Variants in GABRB2 observed in about 807,000 individuals in gnomAD.
GABRB2 encodes gamma-aminobutyric acid type A receptor subunit beta2, also known as gamma-aminobutyric acid receptor subunit beta-2.
GABRB2 carries 16 observed loss-of-function variants against 54.7 expected under a neutral mutation model. That is an observed-to-expected ratio of 0.29 (90% CI 0.20 to 0.44). The LOEUF (loss-of-function observed/expected upper bound fraction) is 0.44. GABRB2 is among the 20% of genes least tolerant of loss of function. The pLI is 1.00. For synonymous variants in GABRB2, 244 were observed against 233.8 expected (o/e 1.04, Z -0.40); for missense variants, 355 against 644.0 (o/e 0.55, Z 4.86).
chr5:161,500,810 C>A (rs1488940680), intron 3 of GABRB2, among the ~76,000 whole-genome samples: 1 of 152,124 alleles, frequency 6.6e-6, no homozygotes, highest in Admixed American at 6.6e-5. Flanking sequence ...AAATTGTTAA[C>A]TTAATCAAAT....
chr5:161,330,935 G>A lies in GABRB2; in HGVS notation c.1025C>T (p.Ala342Val). The A allele has an allele frequency of 6.2e-7, 1 of 1,614,194 alleles. No individual in the cohort carries two copies. The highest frequency in any genetic ancestry group is 8.5e-7 in the Non-Finnish European group (1 of 1,180,038). ...ATTGTTGGCACTGGCAGCCTTCTCAGCTGCTTTCTTTTGGCGTTGGGGCCC... is the reference window on the plus strand; with the variant it reads ...ATTGTTGGCACTGGCAGCCTTCTCAACTGCTTTCTTTTGGCGTTGGGGCCC... ...GRGPQRQKKAAEKAASANNEK... is the reference protein window; with the variant it reads ...GRGPQRQKKAVEKAASANNEK... Residue 342 changes from alanine to valine, a missense_variant, in exon 8 of 10, where the codon GCT (alanine) becomes GTT (valine). Ala to Val is a moderately conservative substitution (Grantham distance 64). Transcript: ENST00000393959.
intron 5 of GABRB2, among the ~76,000 whole-genome samples, chr5:161,377,660 A>G (rs979242127): frequency 7.2e-5 from 11 of 152,146 alleles, no homozygotes; most frequent in Non-Finnish European, 1.3e-4. Flanking sequence ...ACTGGAAAGC[A>G]ATTTACAAAA....
intron 9 of GABRB2, among the ~76,000 whole-genome samples, chr5:161,297,068 G>T (rs1346002750): frequency 1.3e-5 from 2 of 152,132 alleles, no homozygotes; most frequent in Non-Finnish European, 2.9e-5. Context: ...AGAAAATTAA[G>T]TATGTTGCCC....
At chr5:161,479,626 C>T (rs1758698533) in intron 3 of GABRB2, among the ~76,000 whole-genome samples, 1 of 144,304 alleles carries the variant, frequency 6.9e-6, no homozygotes, top group Non-Finnish European at 1.5e-5. Flanking sequence ...CACTCTGTCA[C>T]CCAGGCTGGG....
rs1333374023 is a variant in GABRB2 at position 161,495,021 on chromosome 5, A to T, written c.238-35177T>A. On this transcript the variant is annotated intron_variant, in intron 3 of 9. Transcript: ENST00000393959. ...TGAAATTCTAATTGAATTACAAAAGATTCCTTATTTAAAGTGGTTGCTGTT... is the reference window on the plus strand; with the variant it reads ...TGAAATTCTAATTGAATTACAAAAGTTTCCTTATTTAAAGTGGTTGCTGTT... Among the ~76,000 whole-genome samples, 4 of 152,152 alleles carry T rather than the reference A, an allele frequency of 2.6e-5. No homozygotes were observed. In the East Asian group the frequency reaches 7.7e-4, roughly 29 times the overall value.
chr5:161,546,735 G>A, upstream of GABRB2: 1 of 1,535,272 alleles, frequency 6.5e-7, no homozygotes, highest in Non-Finnish European at 8.8e-7. Flanking sequence ...TGAGGCGCAT[G>A]CGCACGGCGT....
chr5:161,301,422 CTTTT>C (rs908503242), intron 9 of GABRB2, among the ~76,000 whole-genome samples: 12 of 146,538 alleles, frequency 8.2e-5, no homozygotes, highest in African/African-American at 2.7e-4. Context: ...TTCTTTCTTT[CTTTT>C]TTTTTTTCGA....
chr5:161,498,975 C>A (rs190649213), intron 3 of GABRB2, among the ~76,000 whole-genome samples: 1 of 152,172 alleles, frequency 6.6e-6, no homozygotes, highest in South Asian at 2.1e-4. Context: ...TCTACCCCCA[C>A]GTCCTCACGT....
chr5:161,480,449 C>T (rs142201276), intron 3 of GABRB2, among the ~76,000 whole-genome samples: 2,198 of 151,986 alleles, frequency 0.014, 33 homozygotes, highest in Non-Finnish European at 0.024. Flanking sequence ...TGTGTGGCTG[C>T]CAACAAGGGG....
intron 4 of GABRB2, among the ~76,000 whole-genome samples, chr5:161,427,543 C>T (rs1757038167): frequency 2.0e-5 from 3 of 152,124 alleles, no homozygotes; most frequent in Admixed American, 2.0e-4. Flanking sequence ...AAAGCAGCCT[C>T]TATCTTTAAT....
intron 5 of GABRB2, among the ~76,000 whole-genome samples, chr5:161,365,427 C>G (rs1754943976): frequency 6.6e-6 from 1 of 152,064 alleles, no homozygotes; most frequent in African/African-American, 2.4e-5. Context: ...ATATACATTT[C>G]AATGTAGTAT....
intron 3 of GABRB2, among the ~76,000 whole-genome samples, chr5:161,489,793 C>T (rs1759046318): frequency 6.6e-6 from 1 of 151,718 alleles, no homozygotes; most frequent in South Asian, 2.1e-4. Flanking sequence ...AAAGTCACTA[C>T]TTACATTAAG....
intron 5 of GABRB2, among the ~76,000 whole-genome samples, chr5:161,399,088 A>G (rs7727812): frequency 0.024 from 3,655 of 152,270 alleles, 145 homozygotes; most frequent in African/African-American, 0.082. Flanking sequence ...AATTCTACAA[A>G]TATAGTGTTT....
At chr5:161,501,376 A>C (rs1344943875) in intron 3 of GABRB2, among the ~76,000 whole-genome samples, 1 of 152,150 alleles carries the variant, frequency 6.6e-6, no homozygotes, top group Non-Finnish European at 1.5e-5. Context: ...ATTACCTTTC[A>C]ACAGAGAGTT....
In GABRB2 at chr5:161,290,499, T is replaced by G. The variant is rs1204984629; in HGVS notation, c.*3582A>C. 2.0e-5 allele frequency: 3 copies of G among 152,530 alleles called. No homozygotes were observed. Among genetic ancestry groups the G allele is most frequent in the African/African-American group, 7.2e-5 (3 of 41,442 alleles). 9.4% of individuals were successfully genotyped at this position (152,530 alleles called of 1,614,324 possible). A position where few individuals can be genotyped will look rare whatever the true frequency, so the allele number is the denominator to read the frequency against. ...TAGAGAAATGCTCAGTACCCTGTAT[T>G]ACTTATTTCAGTATGTTGATTTTTG... On this transcript the variant is annotated 3_prime_UTR_variant, in exon 10 of 10. Transcript: ENST00000393959.
chr5:161,364,819 A>G (rs1022451438), intron 5 of GABRB2, among the ~76,000 whole-genome samples: 4 of 152,132 alleles, frequency 2.6e-5, no homozygotes, highest in African/African-American at 9.7e-5. Context: ...ATTATTGAAT[A>G]ATTTTTATAT....
chr5:161,305,743 G>C (rs1361337322), intron 9 of GABRB2, among the ~76,000 whole-genome samples: 1 of 152,174 alleles, frequency 6.6e-6, no homozygotes, highest in Admixed American at 6.5e-5. Context: ...CACCACAGAG[G>C]ACATTTGTTT....
At chr5:161,520,219 G>C (rs1268680249) in intron 3 of GABRB2, among the ~76,000 whole-genome samples, 1 of 152,082 alleles carries the variant, frequency 6.6e-6, no homozygotes, top group East Asian at 1.9e-4. Context: ...ACCTGCCCCT[G>C]GTAGTAGGTT....
chr5:161,445,078 T>A (rs1757578585), intron 4 of GABRB2, among the ~76,000 whole-genome samples: 1 of 152,114 alleles, frequency 6.6e-6, no homozygotes, highest in African/African-American at 2.4e-5. Context: ...ATTCAGCAAA[T>A]TTTTTAAATT....
Sources: gnomAD v4.1 joint callset for allele counts (sites outside exome capture counted in the v4.1 genomes callset) on GRCh38, gnomAD v4.1.1 for gene constraint, MANE v1.5 for transcripts, NCBI Gene and HGNC (gene_info 2026-07-23, HGNC 2026-07-21) for gene names.